Variants in NME7 observed in about 807,000 individuals in gnomAD.
The protein encoded by NME7 is NME/NM23 family member 7.
NME7 carries 41 observed loss-of-function variants against 49.1 expected under a neutral mutation model. That is an observed-to-expected ratio of 0.83 (90% CI 0.65 to 1.08). The LOEUF is 1.08. Ranked by LOEUF, NME7 falls within the 50% of genes least tolerant of loss-of-function variation. The pLI, the probability that NME7 is intolerant of heterozygous loss-of-function variation, is 0.00. For missense variants in NME7, 423 were observed against 463.4 expected, an observed-to-expected ratio of 0.91 and a Z score of 0.80; for synonymous variants, 139 against 150.6, an observed-to-expected ratio of 0.92 and a Z score of 0.56.
At chr1:169,224,705 C>A (rs1168348180) in intron 10 of NME7, among the ~76,000 whole-genome samples, 1 of 152,028 alleles carries the variant, frequency 6.6e-6, no homozygotes, top group Non-Finnish European at 1.5e-5. Flanking sequence ...CAGTACATGA[C>A]TCTAGATGTA....
At chr1:169,133,442 G>C (rs1326817067) in intron 11 of NME7, among the ~76,000 whole-genome samples, 6 of 152,196 alleles carry the variant, frequency 3.9e-5, no homozygotes, top group Admixed American at 3.9e-4. Flanking sequence ...CCCTCTTACA[G>C]AGAGACAGAT....
chr1:169,285,564 A>ACAAG (rs1650248361), intron 7 of NME7: 1 of 152,112 alleles, frequency 6.6e-6, no homozygotes, highest in East Asian at 1.9e-4. Flanking sequence ...AAACAAACAA[A>ACAAG]CAAACAAACA....
intron 1 of NME7, among the ~76,000 whole-genome samples, chr1:169,345,804 C>T (rs1048337981): frequency 6.6e-6 from 1 of 152,136 alleles, no homozygotes; most frequent in East Asian, 1.9e-4. Flanking sequence ...TGCCTTTTAT[C>T]TTAGATGTTA....
At chr1:169,303,742 G>A (rs919662586) in intron 4 of NME7, among the ~76,000 whole-genome samples, 2 of 152,032 alleles carry the variant, frequency 1.3e-5, no homozygotes, top group Non-Finnish European at 1.5e-5. Flanking sequence ...ATGAGCCACC[G>A]CACCTGGCCT....
chr1:169,357,138 GTAT>G (rs549775014), intron 1 of NME7, among the ~76,000 whole-genome samples: 47 of 151,638 alleles, frequency 3.1e-4, no homozygotes, highest in East Asian at 9.7e-4. Context: ...AAGGGAACTA[GTAT>G]TATTATTATT....
chr1:169,185,268 G>C (rs1323222086), intron 10 of NME7, among the ~76,000 whole-genome samples: 2 of 152,146 alleles, frequency 1.3e-5, no homozygotes, highest in African/African-American at 4.8e-5. Context: ...CATCTTGCTT[G>C]AGCTACTCTT....
At chr1:169,278,725 G>T (rs1440551171) in intron 7 of NME7, among the ~76,000 whole-genome samples, 1 of 152,204 alleles carries the variant, frequency 6.6e-6, no homozygotes, top group Non-Finnish European at 1.5e-5. Flanking sequence ...CATTGCTGGT[G>T]AGGAACTGCG....
At chr1:169,306,751 C>T (rs942768591) in intron 4 of NME7, among the ~76,000 whole-genome samples, 1 of 152,142 alleles carries the variant, frequency 6.6e-6, no homozygotes, top group African/African-American at 2.4e-5. Flanking sequence ...GATGCAGTGG[C>T]TCATGCCTGT....
Position 169,277,053 on chromosome 1 carries a change from C to T in NME7, c.754+10250G>A, listed in dbSNP as rs373423182. Among the ~76,000 whole-genome samples the T allele has an allele frequency of 6.0e-4, 90 of 149,714 alleles. 3 individuals are homozygous for T. Among genetic ancestry groups the T allele is most frequent in the African/African-American group, 1.9e-3 (76 of 41,018 alleles). On this transcript the variant is annotated intron_variant, in intron 7 of 11. Coordinates refer to ENST00000367811, the MANE Select transcript of NME7 (RefSeq NM_013330.5). ...TTTGATTGCACTGTGGTCTGAGAGA[C>T]AGTTTGTTATAATTTCTGTTCTTTT...
intron 11 of NME7, among the ~76,000 whole-genome samples, chr1:169,150,491 T>G (rs571524637): frequency 5.6e-4 from 86 of 152,282 alleles, no homozygotes; most frequent in African/African-American, 2.0e-3. Flanking sequence ...TTAACATTAC[T>G]GAAGATCATC....
rs1222000631 is a variant in NME7, at chr1:169,269,924, T to A, written c.754+17379A>T. On this transcript the variant is annotated intron_variant, in intron 7 of 11. Coordinates refer to ENST00000367811, the MANE Select transcript of NME7 (RefSeq NM_013330.5). ...TATAGAATACAATTTCCAATTTATT[T>A]ATTTTTCTCTATCTCTCTCTCTTTT... is the stretch of plus-strand genomic sequence containing the variant. Among the ~76,000 whole-genome samples the A allele has an allele frequency of 3.0e-5, 4 of 133,742 alleles. 1 individual carries two copies. Among genetic ancestry groups the A allele is most frequent in the Admixed American group, 1.5e-4 (2 of 13,542 alleles). 87.7% of individuals were successfully genotyped at this position (133,742 alleles called of 152,430 possible). A position where few individuals can be genotyped will look rare whatever the true frequency, so the allele number is the denominator to read the frequency against.
intron 3 of NME7, among the ~76,000 whole-genome samples, chr1:169,314,043 G>T (rs1651514730): frequency 6.7e-6 from 1 of 149,942 alleles, no homozygotes. Context: ...GAATGTAAGT[G>T]AAATAAAGAC....
intron 10 of NME7, among the ~76,000 whole-genome samples, chr1:169,196,823 A>C (rs1230235700): frequency 2.0e-5 from 3 of 152,210 alleles, no homozygotes; most frequent in Non-Finnish European, 4.4e-5. Context: ...ACGGCTACGC[A>C]GCAAGTTATT....
intron 7 of NME7, among the ~76,000 whole-genome samples, chr1:169,273,835 C>T (rs1315431768): frequency 1.6e-5 from 2 of 124,864 alleles, no homozygotes; most frequent in African/African-American, 5.3e-5. Flanking sequence ...TGTATATGTG[C>T]CACATTTTCT....
intron 3 of NME7, among the ~76,000 whole-genome samples, chr1:169,312,740 A>G (rs559313563): frequency 6.6e-6 from 1 of 152,328 alleles, no homozygotes; most frequent in East Asian, 1.9e-4. Context: ...AATGTCCCAG[A>G]CAGTATAGTG....
At chr1:169,206,273 G>A (rs1660673658) in intron 10 of NME7, among the ~76,000 whole-genome samples, 1 of 152,078 alleles carries the variant, frequency 6.6e-6, no homozygotes, top group South Asian at 2.1e-4. Flanking sequence ...TACTTAGTAT[G>A]TAGTAAGTCC....
chr1:169,221,718 CAT>C (rs139849572), intron 10 of NME7, among the ~76,000 whole-genome samples: 1,637 of 151,676 alleles, frequency 0.011, 30 homozygotes, highest in African/African-American at 0.037. Flanking sequence ...CTTGAACACA[CAT>C]GTGCACACAC....
chr1:169,141,567 T>A (rs1658595970), intron 11 of NME7, among the ~76,000 whole-genome samples: 1 of 152,198 alleles, frequency 6.6e-6, no homozygotes, highest in Admixed American at 6.5e-5. Flanking sequence ...AGTGTCCTCA[T>A]AAAGGATGTT....
rs773815085 is a variant in NME7 at position 169,230,833 on chromosome 1, T to C, written c.889-14A>G. The C allele has an allele frequency of 4.0e-6, 6 of 1,497,856 alleles. No homozygotes were observed. The highest frequency in any genetic ancestry group is 3.5e-4 in the Middle Eastern group (2 of 5,662). The allele number at this position is 1,497,856 out of a possible 1,614,324, so 92.8% of individuals were successfully genotyped here. A position where few individuals can be genotyped will look rare whatever the true frequency, so the allele number is the denominator to read the frequency against. ...TGTCACCATGTCCTATGATATGTAA[T>C]ATAAAAGAATGAAAAGAATTTAACA... On this transcript the variant is annotated splice_polypyrimidine_tract_variant and intron_variant, in intron 9 of 11. Transcript: ENST00000367811.
Sources: gnomAD v4.1 joint callset for allele counts (sites outside exome capture counted in the v4.1 genomes callset) on GRCh38, gnomAD v4.1.1 for gene constraint, MANE v1.5 for transcripts, NCBI Gene and HGNC (gene_info 2026-07-23, HGNC 2026-07-21) for gene names.